The following SLC16A12 variants were observed in gnomAD, a reference collection of about 807,000 sequenced individuals.
SLC16A12 encodes solute carrier family 16 member 12.
SLC16A12 carries 17 observed loss-of-function variants against 42.4 expected under a neutral mutation model. The observed-to-expected ratio is 0.40, with a 90% CI of 0.27 to 0.60. The LOEUF (loss-of-function observed/expected upper bound fraction) is 0.60. Ranked by LOEUF, SLC16A12 falls within the 20% of genes least tolerant of loss-of-function variation. The probability of loss-of-function intolerance (pLI) is 0.42; values close to 1 mark genes in which losing one functional copy is unlikely to be tolerated. For missense variants in SLC16A12, 544 were observed against 623.0 expected, an observed-to-expected ratio of 0.87 and a Z score of 1.35; for synonymous variants, 224 against 229.4, an observed-to-expected ratio of 0.98 and a Z score of 0.21.
chr10:89,445,977 C>T (rs1242328771), intron 3 of SLC16A12, among the ~76,000 whole-genome samples: 1 of 151,652 alleles, frequency 6.6e-6, no homozygotes, highest in Non-Finnish European at 1.5e-5. Flanking sequence ...CTTCAGTAGC[C>T]GATTTGATCA....
intron 7 of SLC16A12, among the ~76,000 whole-genome samples, chr10:89,433,994 G>C (rs778061701): frequency 6.6e-6 from 1 of 152,194 alleles, no homozygotes; most frequent in Middle Eastern, 3.4e-3. Flanking sequence ...ATTATACTTC[G>C]TCAGGCAATT....
chr10:89,531,630 T>A (rs1340060593), intron 2 of SLC16A12, among the ~76,000 whole-genome samples: 1 of 152,172 alleles, frequency 6.6e-6, no homozygotes, highest in Non-Finnish European at 1.5e-5. Context: ...AGTATTTCAT[T>A]AAGCAGAACA....
chr10:89,445,961 C>T (rs1841993667), intron 3 of SLC16A12, among the ~76,000 whole-genome samples: 1 of 152,062 alleles, frequency 6.6e-6, no homozygotes, highest in Admixed American at 6.5e-5. Context: ...GTGACGCATA[C>T]ACAAGCTTCA....
Position 89,441,129 on chromosome 10 carries a change from G to A in SLC16A12, c.427C>T (p.Leu143Phe), listed in dbSNP as rs769039831. 15 of 1,613,956 alleles carry A rather than the reference G, an allele frequency of 9.3e-6. No homozygotes were observed. Among genetic ancestry groups the A allele is most frequent in the East Asian group, 2.2e-5 (1 of 44,890 alleles). ...TTACCTGTAAGAACTCCCAGAGTGA[G>A]GTAGAGATGCTTCAGACTCGTGGCA... is the stretch of plus-strand genomic sequence containing the variant. The part of the protein sequence containing the change: ...SFATSLKHLY[L>F]TLGVLTGLGF... Residue 143 changes from leucine to phenylalanine, a missense_variant, in exon 5 of 8, where the codon CTC (leucine) becomes TTC (phenylalanine). Physicochemically the swap from Leu to Phe is conservative, Grantham distance 22 (BLOSUM62 0). Coordinates refer to ENST00000371790, the MANE Select transcript of SLC16A12 (RefSeq NM_213606.4).
intron 2 of SLC16A12, among the ~76,000 whole-genome samples, chr10:89,551,911 C>T (rs997884609): frequency 3.3e-5 from 5 of 152,044 alleles, no homozygotes; most frequent in South Asian, 2.1e-4. Flanking sequence ...TTGTTTTGCC[C>T]TTTTGAAGAG....
intron 2 of SLC16A12, among the ~76,000 whole-genome samples, chr10:89,510,072 A>G (rs1232510860): frequency 2.0e-5 from 3 of 152,208 alleles, no homozygotes; most frequent in South Asian, 2.1e-4. Flanking sequence ...AAACTGCTCA[A>G]TGAAATAAAA....
rs187012105 is a variant in SLC16A12 at position 89,472,615 on chromosome 10, C to T, written c.-46-9991G>A. On this transcript the variant is annotated intron_variant, in intron 2 of 7. Transcript: ENST00000371790. ...TCAAGTGATTCTCCTGCCTCAGCCT[C>T]TCGAGTAGCTGGGAATCCAGGTGCC... is the stretch of plus-strand genomic sequence containing the variant. 2.3e-3 allele frequency among the ~76,000 whole-genome samples: 347 copies of T among 149,796 alleles called. 2 individuals carry two copies. The highest frequency in any genetic ancestry group is 8.0e-3 in the African/African-American group (327 of 40,694).
At chr10:89,447,403 C>G (rs4373830) in intron 3 of SLC16A12, among the ~76,000 whole-genome samples, 9,200 of 152,254 alleles carry the variant, frequency 0.06, 560 homozygotes, top group African/African-American at 0.16. Flanking sequence ...TCACAATAAA[C>G]TCTCTCTCAG....
chr10:89,523,932 C>G lies in SLC16A12; in HGVS notation c.-47+10569G>C, dbSNP rs898069131. ...AATGACTGAGAGATGCCCTGGGTAT[C>G]GCGTGAGCACAGTCTAGTTATTCCC... On this transcript the variant is annotated intron_variant, in intron 2 of 7. Transcript: ENST00000371790. Among the ~76,000 whole-genome samples, 47 of 152,202 alleles carry G rather than the reference C, an allele frequency of 3.1e-4. 1 individual carries two copies. The highest frequency in any genetic ancestry group is 2.7e-3 in the Admixed American group (41 of 15,274).
Position 89,533,929 on chromosome 10 carries a change from C to A in SLC16A12, c.-47+572G>T, listed in dbSNP as rs1356217840. 1.1e-4 allele frequency among the ~76,000 whole-genome samples: 17 copies of A among 152,092 alleles called. 1 individual carries two copies. The highest frequency in any genetic ancestry group is 7.4e-5 in the Non-Finnish European group (5 of 67,988). The stretch of plus-strand genomic sequence containing the variant: ...GCTCAAAATGCCTAGAGGCAATATG[C>A]CTTGGAAAACTGAGTTAGGTGGGAA... On this transcript the variant is annotated intron_variant, in intron 2 of 7. Coordinates refer to ENST00000371790, the MANE Select transcript of SLC16A12 (RefSeq NM_213606.4).
chr10:89,475,430 CT>C (rs1842563177), intron 2 of SLC16A12, among the ~76,000 whole-genome samples: 2 of 152,198 alleles, frequency 1.3e-5, no homozygotes, highest in Non-Finnish European at 2.9e-5. Flanking sequence ...TTTTCATCCA[CT>C]TAGAGCCTCT....
chr10:89,446,164 C>A (rs1589665197), intron 3 of SLC16A12, among the ~76,000 whole-genome samples: 1 of 152,126 alleles, frequency 6.6e-6, no homozygotes, highest in Non-Finnish European at 1.5e-5. Flanking sequence ...GAGAATGGAA[C>A]CAAGCTGGAA....
rs1028683706 is a variant in SLC16A12 at position 89,431,781 on chromosome 10, T to C, written c.*1283A>G. On this transcript the variant is annotated 3_prime_UTR_variant, in exon 8 of 8. Coordinates refer to ENST00000371790, the MANE Select transcript of SLC16A12 (RefSeq NM_213606.4). ...TGGGGGATCTGGACTTTTTCTTCCC[T>C]CCATGCCTTCCCTCTTCAATCTGAA... 2.0e-5 allele frequency: 3 copies of C among 152,204 alleles called. No individual in the cohort carries two copies. Among genetic ancestry groups the C allele is most frequent in the Non-Finnish European group, 4.4e-5 (3 of 68,028 alleles). The allele number at this position is 152,204 out of a possible 1,614,324, so 9.4% of individuals were successfully genotyped here. A position where few individuals can be genotyped will look rare whatever the true frequency, so the allele number is the denominator to read the frequency against.
intron 2 of SLC16A12, among the ~76,000 whole-genome samples, chr10:89,548,874 C>T (rs1439094702): frequency 1.3e-5 from 2 of 152,126 alleles, no homozygotes; most frequent in African/African-American, 4.8e-5. Flanking sequence ...ACAGGAATTG[C>T]ACAAGTGTGA....
intron 2 of SLC16A12, among the ~76,000 whole-genome samples, chr10:89,470,905 C>G (rs1049889144): frequency 8.6e-6 from 1 of 116,388 alleles, no homozygotes; most frequent in Non-Finnish European, 2.0e-5. Flanking sequence ...ACCACCTCCC[C>G]CACCACTACC....
chr10:89,496,905 T>A (rs901960333), intron 2 of SLC16A12, among the ~76,000 whole-genome samples: 2 of 152,148 alleles, frequency 1.3e-5, no homozygotes, highest in Non-Finnish European at 2.9e-5. Flanking sequence ...AAGGAACTCC[T>A]ATTAAAAAGA....
At chr10:89,481,674 A>AGTGT (rs1564583942) in intron 2 of SLC16A12, among the ~76,000 whole-genome samples, 42 of 148,746 alleles carry the variant, frequency 2.8e-4, no homozygotes, top group Middle Eastern at 3.4e-3. Flanking sequence ...TGAGAGAGAG[A>AGTGT]GAGAGTGTGT....
At chr10:89,553,744 C>T (rs1283372384) in intron 2 of SLC16A12, among the ~76,000 whole-genome samples, 5 of 152,140 alleles carry the variant, frequency 3.3e-5, no homozygotes, top group Non-Finnish European at 5.9e-5. Flanking sequence ...TGCGGTGGCT[C>T]ACGCCTGTAA....
intron 2 of SLC16A12, among the ~76,000 whole-genome samples, chr10:89,548,445 T>C (rs548882449): frequency 5.9e-5 from 9 of 151,882 alleles, no homozygotes; most frequent in African/African-American, 2.2e-4. Context: ...GCAAAAGAGG[T>C]TGGATGAAGC....
Sources: gnomAD v4.1 joint callset for allele counts (sites outside exome capture counted in the v4.1 genomes callset) on GRCh38, gnomAD v4.1.1 for gene constraint, MANE v1.5 for transcripts, NCBI Gene and HGNC (gene_info 2026-07-23, HGNC 2026-07-21) for gene names.